SGCZ: variants seen among roughly 807,000 people sequenced by gnomAD.
The protein encoded by SGCZ is sarcoglycan zeta.
SGCZ carries 40 observed loss-of-function variants against 41.3 expected under a neutral mutation model. That is an observed-to-expected ratio of 0.97 (90% CI 0.75 to 1.26). The LOEUF is 1.26. SGCZ is among the 50% of genes most tolerant of loss of function. SGCZ has a pLI of 0.00. For missense variants in SGCZ, 552 were observed against 369.8 expected (o/e 1.49, Z -4.04); for synonymous variants, 206 against 137.5 (o/e 1.50, Z -3.49).
At chr8:14,904,429 G>A (rs1471893357) in intron 1 of SGCZ, among the ~76,000 whole-genome samples, 1 of 151,882 alleles carries the variant, frequency 6.6e-6, no homozygotes, top group African/African-American at 2.4e-5. Context: ...AAGAATACAC[G>A]AACTTATTTC....
chr8:14,552,916 C>T (rs955284936), intron 2 of SGCZ, among the ~76,000 whole-genome samples: 6 of 151,944 alleles, frequency 3.9e-5, no homozygotes, highest in Non-Finnish European at 8.8e-5. Context: ...GAGAGCTTGT[C>T]GCATCATTCA....
chr8:15,173,631 C>A (rs1208744719), intron 1 of SGCZ, among the ~76,000 whole-genome samples: 2 of 152,262 alleles, frequency 1.3e-5, no homozygotes, highest in Admixed American at 6.5e-5. Flanking sequence ...CTTGAAGATT[C>A]ATTTTAAAAT....
intron 1 of SGCZ, among the ~76,000 whole-genome samples, chr8:14,687,036 A>C (rs1205068220): frequency 1.3e-5 from 2 of 151,782 alleles, no homozygotes; most frequent in African/African-American, 4.8e-5. Flanking sequence ...AAACAAAAAA[A>C]TTCTCTACTT....
At chr8:15,101,460 C>G (rs1344473853) in intron 1 of SGCZ, among the ~76,000 whole-genome samples, 1 of 152,118 alleles carries the variant, frequency 6.6e-6, no homozygotes, top group Non-Finnish European at 1.5e-5. Flanking sequence ...AAAGAAGACA[C>G]AGATGGCAAA....
chr8:14,944,399 C>A (rs907464328), intron 1 of SGCZ, among the ~76,000 whole-genome samples: 4 of 152,038 alleles, frequency 2.6e-5, no homozygotes, highest in African/African-American at 9.7e-5. Context: ...CATGATCTTC[C>A]CTGTTGGAGT....
At chr8:14,410,423 G>T (rs569554773) in intron 2 of SGCZ, among the ~76,000 whole-genome samples, 25 of 149,822 alleles carry the variant, frequency 1.7e-4, no homozygotes, top group Non-Finnish European at 3.1e-4. Context: ...AGAAAAGGCT[G>T]ATTTTCAATG....
intron 1 of SGCZ, among the ~76,000 whole-genome samples, chr8:14,614,337 C>T (rs901715161): frequency 1.3e-5 from 2 of 151,992 alleles, no homozygotes; most frequent in Non-Finnish European, 2.9e-5. Flanking sequence ...GAATATAATT[C>T]CCATATCAAC....
rs376632990 is a variant in SGCZ, at chr8:15,199,820, C to T, written c.39+37765G>A. 3.9e-5 allele frequency among the ~76,000 whole-genome samples: 6 copies of T among 152,200 alleles called. No homozygotes were observed. The East Asian group carries it at 9.6e-4, about 24-fold the overall frequency. On this transcript the variant is annotated intron_variant, in intron 1 of 7. Coordinates refer to ENST00000382080, the MANE Select transcript of SGCZ (RefSeq NM_139167.4). ...GTTATGAAACCTATACTGTATTAAA[C>T]CTTTGCGGAAAAAAATTTCTTGTTG...
At chr8:14,706,557 G>T (rs1809338181) in intron 1 of SGCZ, among the ~76,000 whole-genome samples, 1 of 152,042 alleles carries the variant, frequency 6.6e-6, no homozygotes, top group Admixed American at 6.6e-5. Flanking sequence ...GGACATTAGA[G>T]TTTATCAAGT....
intron 1 of SGCZ, among the ~76,000 whole-genome samples, chr8:14,965,267 C>A (rs1423927489): frequency 5.9e-5 from 9 of 152,194 alleles, no homozygotes; most frequent in Admixed American, 5.9e-4. Context: ...AAATCTGGTC[C>A]AGTCAAACTG....
At chr8:14,938,268 T>C (rs1339660330) in intron 1 of SGCZ, among the ~76,000 whole-genome samples, 1 of 152,114 alleles carries the variant, frequency 6.6e-6, no homozygotes, top group African/African-American at 2.4e-5. Context: ...GATTCAAAAA[T>C]AAATATGCAG....
At chr8:14,269,117 A>T (rs768423138) in intron 3 of SGCZ, among the ~76,000 whole-genome samples, 1 of 152,020 alleles carries the variant, frequency 6.6e-6, no homozygotes, top group Non-Finnish European at 1.5e-5. Flanking sequence ...ATAGTCATAA[A>T]TTTTTTTATT....
chr8:14,402,311 T>C (rs547683909), intron 2 of SGCZ, among the ~76,000 whole-genome samples: 2 of 151,566 alleles, frequency 1.3e-5, no homozygotes, highest in African/African-American at 4.9e-5. Context: ...CATTTGTCAA[T>C]TTTGTCTTTT....
chr8:14,623,734 G>T (rs537498388), intron 1 of SGCZ, among the ~76,000 whole-genome samples: 1 of 151,926 alleles, frequency 6.6e-6, no homozygotes, highest in Non-Finnish European at 1.5e-5. Context: ...TGCATTTTCC[G>T]CCTCCCTGCA....
intron 1 of SGCZ, among the ~76,000 whole-genome samples, chr8:14,935,366 T>G (rs945736013): frequency 6.6e-6 from 1 of 151,784 alleles, no homozygotes; most frequent in Non-Finnish European, 1.5e-5. Context: ...TCTTTCATAG[T>G]GTGATTTTAC....
intron 1 of SGCZ, among the ~76,000 whole-genome samples, chr8:14,716,487 C>T (rs1468172357): frequency 2.6e-5 from 4 of 151,950 alleles, no homozygotes; most frequent in Admixed American, 2.0e-4. Flanking sequence ...CCTGCAAAAC[C>T]GAGTTTTGTT....
intron 1 of SGCZ, among the ~76,000 whole-genome samples, chr8:14,814,044 T>C (rs1801819536): frequency 6.6e-6 from 1 of 152,132 alleles, no homozygotes; most frequent in South Asian, 2.1e-4. Flanking sequence ...CCTAGCACAG[T>C]ATGCAGCACT....
At chr8:14,860,500 G>T (rs1014842243) in intron 1 of SGCZ, among the ~76,000 whole-genome samples, 8 of 143,598 alleles carry the variant, frequency 5.6e-5, no homozygotes, top group African/African-American at 2.1e-4. Flanking sequence ...AGAGAAAGAG[G>T]AAAAGAGACA....
intron 1 of SGCZ, among the ~76,000 whole-genome samples, chr8:15,042,080 G>A (rs1168898752): frequency 6.6e-6 from 1 of 152,098 alleles, no homozygotes; most frequent in Non-Finnish European, 1.5e-5. Context: ...CATTTTGTGA[G>A]AAAAGTCATT....
Sources: gnomAD v4.1 joint callset for allele counts (sites outside exome capture counted in the v4.1 genomes callset) on GRCh38, gnomAD v4.1.1 for gene constraint, MANE v1.5 for transcripts, NCBI Gene and HGNC (gene_info 2026-07-23, HGNC 2026-07-21) for gene names.